Variants in ABL1 observed in about 807,000 individuals in gnomAD.
ABL1 encodes ABL proto-oncogene 1, non-receptor tyrosine kinase, also known as tyrosine-protein kinase ABL1.
A neutral mutation model predicts 94.7 loss-of-function variants in ABL1; 11 were observed. That is an observed-to-expected ratio of 0.12 (90% CI 0.07 to 0.19). ABL1 has a LOEUF of 0.19. Among genes scored for constraint, ABL1 ranks in the 10% least tolerant of loss-of-function variants. The pLI is 1.00. For missense variants in ABL1, 1,082 were observed against 1,489.4 expected, an observed-to-expected ratio of 0.73 and a Z score of 4.50; for synonymous variants, 656 against 622.4, an observed-to-expected ratio of 1.05 and a Z score of -0.80.
chr9:130,805,198 T>A (rs1258384467), intron 1 of ABL1, among the ~76,000 whole-genome samples: 1 of 152,198 alleles, frequency 6.6e-6, no homozygotes, highest in Non-Finnish European at 1.5e-5. Flanking sequence ...TGCCTCAGCC[T>A]CCCGAGTAGC....
At chr9:130,801,071 A>G (rs1356094902) in intron 1 of ABL1, among the ~76,000 whole-genome samples, 1 of 151,662 alleles carries the variant, frequency 6.6e-6, no homozygotes, top group Admixed American at 6.6e-5. Context: ...CTGGGATTAC[A>G]GGGGCCCGCC....
rs1238099882 is a variant in ABL1 at position 130,835,714 on chromosome 9, CTG to C, written c.79+193_79+194del. On this transcript the variant is annotated intron_variant, in intron 1 of 10. Coordinates refer to ENST00000318560, the MANE Select transcript of ABL1 (RefSeq NM_005157.6). The surrounding 1 kb of genome is among the most constrained non-coding windows in gnomAD (Gnocchi z 4.6). The stretch of plus-strand genomic sequence containing the variant: ...ATATTCTGTCTCTCTTTCTTTCTCT[CTG>C]TGTCTGTCTCTTTTCTCTTCTCTTG... Among the ~76,000 whole-genome samples the C allele has an allele frequency of 4.0e-5, 6 of 151,834 alleles. No individual in the cohort carries two copies. Among genetic ancestry groups the C allele is most frequent in the South Asian group, 2.1e-4 (1 of 4,794 alleles).
At chr9:130,833,341 G>T (rs753779385), upstream of ABL1, among the ~76,000 whole-genome samples, 8 of 152,212 alleles carry the variant, frequency 5.3e-5, no homozygotes, top group Non-Finnish European at 1.0e-4. Context: ...AAAACAGACA[G>T]ATACTGTATT....
chr9:130,721,593 C>T (rs1303944191), intron 1 of ABL1, among the ~76,000 whole-genome samples: 1 of 151,994 alleles, frequency 6.6e-6, no homozygotes, highest in Non-Finnish European at 1.5e-5. Context: ...GCCTGTAATC[C>T]CAGCTACTCA....
Position 130,814,241 on chromosome 9 carries a change from C to G in ABL1, c.137-39823C>G, listed in dbSNP as rs183124401. On this transcript the variant is annotated intron_variant, in intron 1 of 10. Transcript: ENST00000372348. The surrounding 1 kb of genome is among the most constrained non-coding windows in gnomAD (Gnocchi z 4.4). ...GTCGGAGGTTGCAGTGAACCGAGATCGCGCCATTGCACTCCACCCTAGCGA... is the reference window on the plus strand; with the variant it reads ...GTCGGAGGTTGCAGTGAACCGAGATGGCGCCATTGCACTCCACCCTAGCGA... 6.6e-6 allele frequency among the ~76,000 whole-genome samples: 1 copy of G among 151,418 alleles called. No homozygotes were observed. Among genetic ancestry groups the G allele is most frequent in the East Asian group, 1.9e-4 (1 of 5,148 alleles).
At chr9:130,759,021 A>G (rs1832076993) in intron 1 of ABL1, among the ~76,000 whole-genome samples, 1 of 152,156 alleles carries the variant, frequency 6.6e-6, no homozygotes. Flanking sequence ...CCGAACACTG[A>G]GCTGGTCATT....
intron 1 of ABL1, among the ~76,000 whole-genome samples, chr9:130,842,329 C>T (rs765539554): frequency 3.3e-5 from 5 of 152,162 alleles, no homozygotes; most frequent in East Asian, 1.9e-4. Context: ...GCACTTGATA[C>T]GGGATCAGTA....
intron 1 of ABL1, among the ~76,000 whole-genome samples, chr9:130,800,710 GTTGTAT>G (rs1830042908): frequency 6.6e-6 from 1 of 151,862 alleles, no homozygotes; most frequent in African/African-American, 2.4e-5. Flanking sequence ...ATTTACTCCT[GTTGTAT>G]GTATTTACAT....
intron 4 of ABL1, among the ~76,000 whole-genome samples, chr9:130,870,650 C>T (rs1425477475): frequency 6.6e-6 from 1 of 152,158 alleles, no homozygotes; most frequent in Non-Finnish European, 1.5e-5. Flanking sequence ...AGAGAGGGCT[C>T]AGAAGAATTA....
intron 1 of ABL1, among the ~76,000 whole-genome samples, chr9:130,748,442 TC>T (rs1831914698): frequency 6.6e-6 from 1 of 152,030 alleles, no homozygotes; most frequent in Admixed American, 6.6e-5. Context: ...AGACAGAGTC[TC>T]CCTCTGTCAC....
chr9:130,863,060 C>G lies in ABL1; in HGVS notation c.822+25C>G, dbSNP rs2132974433. 1 of 1,569,586 alleles carries G rather than the reference C, an allele frequency of 6.4e-7. No individual in the cohort carries two copies. Among genetic ancestry groups the G allele is most frequent in the Non-Finnish European group, 8.7e-7 (1 of 1,154,384 alleles). Reference sequence around the variant, plus strand: ...GGTAGGCTGGGACTGCCGGGGGTGCCCAGGGTACGTGGGGCAAGGCGTCTG... The same window carrying G: ...GGTAGGCTGGGACTGCCGGGGGTGCGCAGGGTACGTGGGGCAAGGCGTCTG... On this transcript the variant is annotated intron_variant, in intron 4 of 10. Transcript: ENST00000318560. This position sits in a 1 kb window ranked among gnomAD's most constrained non-coding sequence, Gnocchi z 4.3.
chr9:130,883,834 G>T, intron 10 of ABL1, 135 bp from the exon 11 acceptor site: 2 of 1,130,614 alleles, frequency 1.8e-6, no homozygotes, highest in Admixed American at 4.9e-5. Context: ...TTGTTTGTTT[G>T]TTTTGAGATG....
intron 1 of ABL1, among the ~76,000 whole-genome samples, chr9:130,840,626 T>G (rs1830656331): frequency 6.6e-6 from 1 of 152,254 alleles, no homozygotes; most frequent in African/African-American, 2.4e-5. Context: ...GAACAATTTA[T>G]AAAATAAATT....
intron 1 of ABL1, among the ~76,000 whole-genome samples, chr9:130,748,579 C>A (rs2791733): frequency 0.54 from 79,798 of 148,592 alleles, 22,932 homozygotes; most frequent in African/African-American, 0.77. Flanking sequence ...TGCCTAGCTA[C>A]TTTTTTTTTT....
At chr9:130,796,716 T>TA (rs757646922) in intron 1 of ABL1, among the ~76,000 whole-genome samples, 58 of 151,014 alleles carry the variant, frequency 3.8e-4, no homozygotes, top group Non-Finnish European at 7.4e-4. Flanking sequence ...GGCTCACAGG[T>TA]AAAAAAATAA....
chr9:130,803,851 A>T (rs1830088442), intron 1 of ABL1, among the ~76,000 whole-genome samples: 1 of 152,204 alleles, frequency 6.6e-6, no homozygotes, highest in Non-Finnish European at 1.5e-5. Flanking sequence ...AGTTGACTAA[A>T]CACCTGGAAA....
chr9:130,789,902 A>G (rs1829881506), intron 1 of ABL1, among the ~76,000 whole-genome samples: 1 of 152,226 alleles, frequency 6.6e-6, no homozygotes, highest in South Asian at 2.1e-4. Flanking sequence ...GATGTAAACC[A>G]CGAGAGGCTC....
intron 1 of ABL1, among the ~76,000 whole-genome samples, chr9:130,812,808 T>C (rs1830226954): frequency 6.6e-6 from 1 of 152,206 alleles, no homozygotes; most frequent in African/African-American, 2.4e-5. Flanking sequence ...ATCAACTGAC[T>C]TGACTTAATT....
At chr9:130,769,425 G>A (rs1238421702) in intron 1 of ABL1, among the ~76,000 whole-genome samples, 3 of 139,650 alleles carry the variant, frequency 2.1e-5, no homozygotes, top group Non-Finnish European at 4.6e-5. Flanking sequence ...TCCACCTCCC[G>A]GGTTCAAGCG....
Sources: gnomAD v4.1 joint callset for allele counts (sites outside exome capture counted in the v4.1 genomes callset) on GRCh38, gnomAD v4.1.1 for gene constraint, Gnocchi (gnomAD v3.1) non-coding constraint, MANE v1.5 for transcripts, NCBI Gene and HGNC (gene_info 2026-07-23, HGNC 2026-07-21) for gene names.